Variants in IGDCC3 observed in about 807,000 individuals in gnomAD.
IGDCC3 encodes the protein immunoglobulin superfamily DCC subclass member 3, also known as putative neuronal cell adhesion molecule.
IGDCC3 carries 47 observed loss-of-function variants against 72.0 expected under a neutral mutation model. The ratio of observed to expected loss-of-function variants is 0.65; its 90% CI spans 0.52 to 0.83. IGDCC3 has a LOEUF of 0.83. IGDCC3 is among the 40% of genes least tolerant of loss of function. The pLI is 0.00. For missense variants in IGDCC3, 1,038 were observed against 1,091.3 expected (o/e 0.95, Z 0.69); for synonymous variants, 477 against 472.8 (o/e 1.01, Z -0.11).
Position 65,332,062 on chromosome 15 carries a change from C to A in IGDCC3, c.1027G>T (p.Ala343Ser). Residue 343 changes from alanine (A) to serine (S), a missense_variant, in exon 7 of 14, where the codon GCT becomes TCT. By Grantham distance (99) the Ala-to-Ser change is moderately conservative. Transcript: ENST00000327987. ...VQHPQSISRP[A>S]GTTAMFTCQA... ...CAGGTGAACATGGCTGTGGTCCCAG[C>A]TGGCCTGGAGATGGACTGGGGATGC... 3.1e-6 allele frequency: 5 copies of A among 1,614,138 alleles called. No individual in the cohort carries two copies.
At chr15:65,334,262 G>GTT (rs2091006196) in intron 5 of IGDCC3, among the ~76,000 whole-genome samples, 1 of 152,144 alleles carries the variant, frequency 6.6e-6, no homozygotes, top group East Asian at 1.9e-4. Context: ...GGGGATTTAG[G>GTT]CTGGGGGACT....
intron 2 of IGDCC3, among the ~76,000 whole-genome samples, chr15:65,347,108 G>C (rs575214509): frequency 6.6e-6 from 1 of 152,288 alleles, no homozygotes; most frequent in Admixed American, 6.5e-5. Flanking sequence ...CCGTCGTTCT[G>C]GTCAGGACAC....
chr15:65,370,584 GTA>G (rs1245569463), intron 2 of IGDCC3, among the ~76,000 whole-genome samples: 14 of 113,714 alleles, frequency 1.2e-4, no homozygotes, highest in Middle Eastern at 4.2e-3. Context: ...GTATATATAT[GTA>G]TGTATATATA....
chr15:65,359,985 C>T (rs2091250024), intron 2 of IGDCC3, among the ~76,000 whole-genome samples: 2 of 152,160 alleles, frequency 1.3e-5, no homozygotes, highest in African/African-American at 4.8e-5. Flanking sequence ...ATAATACCCA[C>T]AGCTCCCCAT....
At chr15:65,361,268 A>AAAT (rs200024838) in intron 2 of IGDCC3, among the ~76,000 whole-genome samples, 2 of 117,910 alleles carry the variant, frequency 1.7e-5, no homozygotes, top group East Asian at 5.1e-4. Flanking sequence ...TTTCTACTAA[A>AAAT]AATAATAATA....
chr15:65,336,840 G>A (rs1422376810), intron 2 of IGDCC3, among the ~76,000 whole-genome samples: 1 of 151,900 alleles, frequency 6.6e-6, no homozygotes, highest in Non-Finnish European at 1.5e-5. Context: ...TGTAATGCCT[G>A]GGGAAGGAGC....
In IGDCC3 at chr15:65,377,862, C is replaced by G. The variant is rs900631707; in HGVS notation, c.-74G>C. The G allele has an allele frequency of 2.5e-4, 265 of 1,071,152 alleles. 2 individuals carry two copies. The South Asian group carries it at 0.01, about 41-fold the overall frequency. The allele number at this position is 1,071,152 out of a possible 1,614,324, so 66.4% of individuals were successfully genotyped here. ...CGCGGCTCACAGCGTCCCGCGGGGC[C>G]GGCGCCGGGGCCGGGGCTGGGGCTC... On this transcript the variant is annotated 5_prime_UTR_variant, in exon 1 of 14. Transcript: ENST00000327987. This position sits in a 1 kb window ranked among gnomAD's most constrained non-coding sequence, Gnocchi z 4.9.
At chr15:65,331,362 A>G (rs1595749322) in intron 8 of IGDCC3, 50 bp downstream of exon 8, 2 of 1,573,416 alleles carry the variant, frequency 1.3e-6, no homozygotes, top group East Asian at 2.3e-5. Flanking sequence ...ATTGGAAGGA[A>G]TAAGAAATAG....
Position 65,328,316 on chromosome 15 carries a change from T to TTTA in IGDCC3, c.*592_*593insTAA, listed in dbSNP as rs1487215667. ...AGTGCTTTTTTTTTTTTTTTTTTTT[T>TTTA]TACTCTGGACAACAGTGTGGGAAGG... On this transcript the variant is annotated 3_prime_UTR_variant, in exon 14 of 14. Transcript: ENST00000327987. 2.8e-4 allele frequency: 41 copies of TTTA among 144,218 alleles called. No homozygotes were observed. The highest frequency in any genetic ancestry group is 6.5e-4 in the Admixed American group (9 of 13,900). 8.9% of individuals were successfully genotyped at this position (144,218 alleles called of 1,614,324 possible).
In IGDCC3 at chr15:65,329,995, T is replaced by A; in HGVS notation, c.1859-131A>T. 1 of 948,742 alleles carries A rather than the reference T, an allele frequency of 1.1e-6. No individual in the cohort carries two copies. Among genetic ancestry groups the A allele is most frequent in the South Asian group, 1.5e-5 (1 of 65,096 alleles). 58.8% of individuals were successfully genotyped at this position (948,742 alleles called of 1,614,324 possible). ...TGGGAGTGGGAACATCCTTTGACTT[T>A]GCCTACAGGACTCCAGACCAATCTT... On this transcript the variant is annotated intron_variant, in intron 11 of 13. Coordinates refer to ENST00000327987, the MANE Select transcript of IGDCC3 (RefSeq NM_004884.4). This position sits in a 1 kb window ranked among gnomAD's most constrained non-coding sequence, Gnocchi z 4.1.
Position 65,377,648 on chromosome 15 carries a change from C to G in IGDCC3, c.103+38G>C. On this transcript the variant is annotated intron_variant, in intron 1 of 13. Transcript: ENST00000327987. This position sits in a 1 kb window ranked among gnomAD's most constrained non-coding sequence, Gnocchi z 4.9. Reference sequence around the variant, plus strand: ...CTCCCTGCTCGCCCTTCCCCTGGCTCCGTCCGCAACCGCCCGGTCCGGGGC... The same window carrying G: ...CTCCCTGCTCGCCCTTCCCCTGGCTGCGTCCGCAACCGCCCGGTCCGGGGC... The G allele has an allele frequency of 7.0e-7, 1 of 1,420,008 alleles. No individual in the cohort carries two copies. Among genetic ancestry groups the G allele is most frequent in the Non-Finnish European group, 9.2e-7 (1 of 1,091,774 alleles). 88.0% of individuals were successfully genotyped at this position (1,420,008 alleles called of 1,614,324 possible). A position where few individuals can be genotyped will look rare whatever the true frequency, so the allele number is the denominator to read the frequency against.
intron 5 of IGDCC3, 50 bp downstream of exon 5, chr15:65,334,678 A>C: frequency 6.8e-7 from 1 of 1,465,478 alleles, no homozygotes; most frequent in Admixed American, 2.4e-5. Context: ...CGGCCCTCCC[A>C]GGGGGTGGGA....
chr15:65,347,160 G>A (rs2091131330), intron 2 of IGDCC3, among the ~76,000 whole-genome samples: 1 of 152,174 alleles, frequency 6.6e-6, no homozygotes, highest in Non-Finnish European at 1.5e-5. Context: ...GGTTAGGGGG[G>A]CCCAGGCTGC....
chr15:65,367,346 C>CAAAAA (rs10609381), intron 2 of IGDCC3, among the ~76,000 whole-genome samples: 81 of 73,198 alleles, frequency 1.1e-3, no homozygotes, highest in East Asian at 1.5e-3. Flanking sequence ...GACTTTGTCT[C>CAAAAA]AAAAAAAAAA....
intron 2 of IGDCC3, among the ~76,000 whole-genome samples, chr15:65,374,459 C>T (rs2091345729): frequency 6.6e-6 from 1 of 152,186 alleles, no homozygotes; most frequent in Non-Finnish European, 1.5e-5. Context: ...AAGCAAAGCA[C>T]AATTCTAGAG....
chr15:65,375,505 C>T, intron 1 of IGDCC3, 103 bp from the exon 2 acceptor site: 1 of 823,462 alleles, frequency 1.2e-6, no homozygotes, highest in South Asian at 1.9e-5. Context: ...TGGGTCTATG[C>T]ACCCCATCCC....
At chr15:65,337,351 G>A (rs964762315) in intron 2 of IGDCC3, among the ~76,000 whole-genome samples, 8 of 152,336 alleles carry the variant, frequency 5.3e-5, no homozygotes, top group East Asian at 1.9e-4. Context: ...ACATGTGTGC[G>A]GGGCTGTGTC....
intron 2 of IGDCC3, among the ~76,000 whole-genome samples, chr15:65,361,699 CACACTCATTCACATCCACAG>C (rs61114252): frequency 0.46 from 70,276 of 151,562 alleles, 16,835 homozygotes; most frequent in African/African-American, 0.6. Context: ...CGCACACTCG[CACACTCATTCACATCCACAG>C]ACACACTCGG....
At chr15:65,372,518 C>T (rs936500425) in intron 2 of IGDCC3, among the ~76,000 whole-genome samples, 1 of 152,184 alleles carries the variant, frequency 6.6e-6, no homozygotes, top group Non-Finnish European at 1.5e-5. Flanking sequence ...GATGGAAGGG[C>T]GTGCATTTCC....
Sources: gnomAD v4.1 joint callset for allele counts (sites outside exome capture counted in the v4.1 genomes callset) on GRCh38, gnomAD v4.1.1 for gene constraint, Gnocchi (gnomAD v3.1) non-coding constraint, MANE v1.5 for transcripts, NCBI Gene and HGNC (gene_info 2026-07-23, HGNC 2026-07-21) for gene names.